GULP1: variants seen among roughly 807,000 people sequenced by gnomAD.
The protein encoded by GULP1 is PTB domain-containing engulfment adapter protein 1.
In GULP1, 19 loss-of-function variants were observed where a neutral mutation model predicts 40.9. That is an observed-to-expected ratio of 0.46 (90% CI 0.32 to 0.68). The LOEUF (loss-of-function observed/expected upper bound fraction) is 0.68. Among genes scored for constraint, GULP1 ranks in the 30% least tolerant of loss-of-function variants. GULP1 has a pLI of 0.03. For missense variants in GULP1, 312 were observed against 362.2 expected (o/e 0.86, Z 1.12); for synonymous variants, 119 against 117.6 (o/e 1.01, Z -0.08).
At position 188,416,016 on chromosome 2, in the gene GULP1, A is replaced by G. The variant is rs184451810; in HGVS notation, c.-45+32127A>G. Among the ~76,000 whole-genome samples the G allele has an allele frequency of 2.4e-3, 365 of 152,280 alleles. 6 individuals are homozygous for G. Among genetic ancestry groups the G allele is most frequent in the Middle Eastern group, 0.01 (3 of 294 alleles). On this transcript the variant is annotated intron_variant, in intron 2 of 11. Coordinates refer to ENST00000409830, the MANE Select transcript of GULP1 (RefSeq NM_016315.4). ...TAAAAGTTTGTTTGTTTTATTTTTA[A>G]CCAATGAAAAGAGAAGGAAACTATC...
rs2064564279 is a variant in GULP1 at position 188,511,696 on chromosome 2, CAA to C, written c.91-11059_91-11058del. Among the ~76,000 whole-genome samples, 3 of 151,984 alleles carry C rather than the reference CAA, an allele frequency of 2.0e-5. No individual in the cohort carries two copies. In the South Asian group the frequency reaches 6.2e-4, roughly 31 times the overall value. On this transcript the variant is annotated intron_variant, in intron 4 of 11. Transcript: ENST00000409830. ...TAAACATGGAAATTGTATTTTAAAA[CAA>C]GAGACTATAAAAATAATATACCCTA...
At chr2:188,553,567 G>A (rs1315720441) in intron 7 of GULP1, among the ~76,000 whole-genome samples, 1 of 151,898 alleles carries the variant, frequency 6.6e-6, no homozygotes, top group African/African-American at 2.4e-5. Context: ...CTAGCATTTT[G>A]TGGAGCATTT....
chr2:188,360,214 A>T (rs552826758), intron 1 of GULP1, among the ~76,000 whole-genome samples: 1 of 152,214 alleles, frequency 6.6e-6, no homozygotes, highest in South Asian at 2.1e-4. Context: ...GCCACTCATG[A>T]CTAAAACGAA....
chr2:188,319,133 T>A (rs2039580770), intron 1 of GULP1, among the ~76,000 whole-genome samples: 1 of 152,206 alleles, frequency 6.6e-6, no homozygotes, highest in Non-Finnish European at 1.5e-5. Context: ...ATTTCTATAT[T>A]ATACAAAGCA....
chr2:188,293,237 A>G (rs961796548), intron 1 of GULP1: 2 of 152,174 alleles, frequency 1.3e-5, no homozygotes, highest in African/African-American at 2.4e-5. Flanking sequence ...GTGTTTCCCA[A>G]CTGAGCTCGC....
intron 7 of GULP1, among the ~76,000 whole-genome samples, chr2:188,557,965 G>A (rs897581291): frequency 3.9e-5 from 6 of 152,264 alleles, no homozygotes; most frequent in African/African-American, 9.6e-5. Context: ...CATGGGCCTG[G>A]CCCATGAAAC....
chr2:188,504,556 G>A (rs539460669), intron 4 of GULP1, among the ~76,000 whole-genome samples: 11 of 151,902 alleles, frequency 7.2e-5, no homozygotes, highest in Non-Finnish European at 1.3e-4. Flanking sequence ...GAGAGTAATA[G>A]GTATTTCTCC....
chr2:188,548,052 T>A (rs1692437280), intron 7 of GULP1, among the ~76,000 whole-genome samples: 1 of 152,010 alleles, frequency 6.6e-6, no homozygotes, highest in African/African-American at 2.4e-5. Context: ...TATGCTTTCC[T>A]CCTAAGACAT....
intron 1 of GULP1, among the ~76,000 whole-genome samples, chr2:188,339,134 A>G: frequency 6.6e-6 from 1 of 152,094 alleles, no homozygotes; most frequent in African/African-American, 2.4e-5. Flanking sequence ...GACATGAGGT[A>G]CTCTTATTTT....
intron 4 of GULP1, among the ~76,000 whole-genome samples, chr2:188,495,734 AT>A (rs928959069): frequency 1.3e-5 from 2 of 152,032 alleles, no homozygotes; most frequent in African/African-American, 4.8e-5. Flanking sequence ...AATAAAAAAA[AT>A]CTGTACAGTG....
chr2:188,380,561 T>C (rs1477169064), intron 1 of GULP1, among the ~76,000 whole-genome samples: 2 of 151,844 alleles, frequency 1.3e-5, no homozygotes, highest in Non-Finnish European at 2.9e-5. Context: ...AAGAAAAAAA[T>C]AGAAAAGAAA....
intron 2 of GULP1, among the ~76,000 whole-genome samples, chr2:188,431,151 T>G (rs2152818721): frequency 6.6e-6 from 1 of 152,280 alleles, no homozygotes; most frequent in East Asian, 1.9e-4. Context: ...CAGCAAACCT[T>G]CAGAGGGCCT....
At chr2:188,556,890 G>A (rs1246202838) in intron 7 of GULP1, among the ~76,000 whole-genome samples, 4 of 152,112 alleles carry the variant, frequency 2.6e-5, no homozygotes, top group Non-Finnish European at 5.9e-5. Flanking sequence ...CATGTGTGGT[G>A]GCGGGTGCCT....
intron 1 of GULP1, among the ~76,000 whole-genome samples, chr2:188,327,413 A>G (rs974046448): frequency 6.6e-6 from 1 of 152,138 alleles, no homozygotes; most frequent in South Asian, 2.1e-4. Flanking sequence ...CTTTGGGGGA[A>G]AAGAGAAGTG....
rs747284653 is a variant in GULP1, at chr2:188,569,278, C to G, written c.439C>G (p.Leu147Val). ...ITLTIGQAFDLAYRKFLESGG... is the reference protein window; with the variant it reads ...ITLTIGQAFDVAYRKFLESGG... ...TTTAACAATTGGCCAAGCATTTGACCTGGCATACAGGAAATTTCTAGAATC... is the reference window on the plus strand; with the variant it reads ...TTTAACAATTGGCCAAGCATTTGACGTGGCATACAGGAAATTTCTAGAATC... The change falls in exon 8 of 12, where the codon CTG (leucine) becomes GTG (valine). Residue 147 changes from leucine to valine, a missense_variant. Transcript: ENST00000409830. 6 of 1,597,500 alleles carry G rather than the reference C, an allele frequency of 3.8e-6. No homozygotes were observed. Among genetic ancestry groups the G allele is most frequent in the Non-Finnish European group, 4.3e-6 (5 of 1,165,242 alleles).
At chr2:188,565,750 T>C (rs1191742193) in intron 7 of GULP1, among the ~76,000 whole-genome samples, 3 of 152,130 alleles carry the variant, frequency 2.0e-5, no homozygotes, top group Non-Finnish European at 2.9e-5. Context: ...GTTTCATGTC[T>C]AATAACTAAG....
chr2:188,511,966 T>A (rs1487490214), intron 4 of GULP1, among the ~76,000 whole-genome samples: 1 of 152,172 alleles, frequency 6.6e-6, no homozygotes, highest in East Asian at 1.9e-4. Flanking sequence ...TTTTGATTAA[T>A]AAGTTTAAAT....
rs555107331 is a variant in GULP1 at position 188,395,327 on chromosome 2, T to A, written c.-45+11438T>A. The stretch of plus-strand genomic sequence containing the variant: ...CCAAGTAGAGTGGAATTCTAACACT[T>A]GTGCAAGCACGAACCTGGCGTGCAC... On this transcript the variant is annotated intron_variant, in intron 2 of 11. Transcript: ENST00000409830. Among the ~76,000 whole-genome samples the A allele has an allele frequency of 9.2e-5, 14 of 152,362 alleles. No homozygotes were observed. The South Asian group carries it at 2.9e-3, about 32-fold the overall frequency.
chr2:188,452,973 C>G (rs189315300), intron 2 of GULP1, among the ~76,000 whole-genome samples: 21 of 151,674 alleles, frequency 1.4e-4, no homozygotes, highest in African/African-American at 4.8e-4. Context: ...CTATTTCTAA[C>G]AAAAGGTATA....
Sources: allele counts gnomAD v4.1 joint callset (sites outside exome capture counted in the v4.1 genomes callset), GRCh38; gene constraint gnomAD v4.1.1; transcripts MANE v1.5; gene names NCBI Gene and HGNC (gene_info 2026-07-23, HGNC 2026-07-21).